The following NRG3 variants were observed in gnomAD, a reference collection of about 807,000 sequenced individuals.
The protein encoded by NRG3 is pro-neuregulin-3, membrane-bound isoform.
NRG3 carries 31 observed loss-of-function variants against 66.9 expected under a neutral mutation model. That is an observed-to-expected ratio of 0.46 (90% confidence interval 0.35 to 0.63). NRG3 has a LOEUF of 0.63. NRG3 is among the 20% of genes least tolerant of loss of function. The probability of loss-of-function intolerance (pLI) is 0.00; values close to 1 mark genes in which losing one functional copy is unlikely to be tolerated. For missense variants in NRG3, 910 were observed against 878.9 expected (o/e 1.04, Z -0.45); for synonymous variants, 393 against 359.4 (o/e 1.09, Z -1.06).
At chr10:81,960,658 G>A (rs1046150746) in intron 1 of NRG3, among the ~76,000 whole-genome samples, 2 of 151,128 alleles carry the variant, frequency 1.3e-5, no homozygotes, top group African/African-American at 4.9e-5. Flanking sequence ...TTTGTTTACT[G>A]GTTAAAGAGA....
At chr10:82,665,772 A>C (rs1393334801) in intron 2 of NRG3, among the ~76,000 whole-genome samples, 1 of 152,096 alleles carries the variant, frequency 6.6e-6, no homozygotes, top group Non-Finnish European at 1.5e-5. Context: ...AAATCTCAAC[A>C]ATATTTTACC....
intron 1 of NRG3, among the ~76,000 whole-genome samples, chr10:82,169,201 T>C (rs1176605686): frequency 6.6e-6 from 1 of 152,146 alleles, no homozygotes; most frequent in Non-Finnish European, 1.5e-5. Flanking sequence ...TGTAGTTCTT[T>C]TATTCTTATA....
At chr10:82,451,588 T>C (rs1385143283) in intron 2 of NRG3, among the ~76,000 whole-genome samples, 2 of 152,156 alleles carry the variant, frequency 1.3e-5, no homozygotes, top group East Asian at 3.9e-4. Context: ...TCTCAACAAG[T>C]AGTTTATTTA....
chr10:82,291,070 G>C (rs574857865), intron 1 of NRG3, among the ~76,000 whole-genome samples: 3 of 151,936 alleles, frequency 2.0e-5, no homozygotes, highest in Non-Finnish European at 4.4e-5. Flanking sequence ...TGCTATTGCA[G>C]TTGAACCATA....
intron 6 of NRG3, among the ~76,000 whole-genome samples, chr10:82,968,023 C>T (rs1564676327): frequency 6.6e-6 from 1 of 152,230 alleles, no homozygotes; most frequent in Non-Finnish European, 1.5e-5. Context: ...TCTCTGTATT[C>T]ACCTGTTTCT....
At chr10:82,373,467 A>G (rs1381789816) in intron 2 of NRG3, among the ~76,000 whole-genome samples, 2 of 152,178 alleles carry the variant, frequency 1.3e-5, no homozygotes, top group Non-Finnish European at 2.9e-5. Flanking sequence ...CTCTGACAGC[A>G]GGTGGATCCC....
intron 2 of NRG3, among the ~76,000 whole-genome samples, chr10:82,533,277 G>A (rs569025069): frequency 6.6e-6 from 1 of 151,904 alleles, no homozygotes; most frequent in South Asian, 2.1e-4. Context: ...TTCTTTTGCT[G>A]TACTGGAGCT....
intron 1 of NRG3, among the ~76,000 whole-genome samples, chr10:82,137,942 AG>A (rs1482918535): frequency 6.6e-6 from 1 of 152,186 alleles, no homozygotes; most frequent in Non-Finnish European, 1.5e-5. Context: ...AACTTGGGTA[AG>A]TCCGAAGTTT....
intron 1 of NRG3, among the ~76,000 whole-genome samples, chr10:82,220,830 C>CA (rs1355802423): frequency 1.3e-5 from 2 of 151,960 alleles, no homozygotes; most frequent in African/African-American, 4.8e-5. Context: ...CCTATCTCTA[C>CA]AAAAAAATAT....
At chr10:82,512,478 G>A (rs1845280731) in intron 2 of NRG3, among the ~76,000 whole-genome samples, 1 of 152,040 alleles carries the variant, frequency 6.6e-6, no homozygotes, top group African/African-American at 2.4e-5. Flanking sequence ...TAGAGATGGG[G>A]TCTCACCATG....
intron 1 of NRG3, among the ~76,000 whole-genome samples, chr10:82,215,266 C>T (rs1217426298): frequency 2.0e-5 from 3 of 152,010 alleles, no homozygotes; most frequent in Admixed American, 6.6e-5. Flanking sequence ...AGAATTTCTT[C>T]GGTGATAGCA....
chr10:82,025,331 C>T (rs927506269), intron 1 of NRG3, among the ~76,000 whole-genome samples: 12 of 151,132 alleles, frequency 7.9e-5, no homozygotes, highest in South Asian at 4.2e-4. Flanking sequence ...TTTCCATGTA[C>T]GTATATTTGA....
intron 1 of NRG3, among the ~76,000 whole-genome samples, chr10:82,216,573 G>GTGTGTGT (rs1564673798): frequency 1.7e-5 from 2 of 119,446 alleles, no homozygotes; most frequent in South Asian, 2.6e-4. Flanking sequence ...TATATATCTG[G>GTGTGTGT]GTGTGTGTGT....
At chr10:82,799,798 G>T (rs1468345574) in intron 3 of NRG3, 3 of 152,128 alleles carry the variant, frequency 2.0e-5, no homozygotes, top group Admixed American at 1.3e-4. Flanking sequence ...AGTGAAAAGG[G>T]CAGTGAAACA....
chr10:82,114,119 A>G (rs562768112), intron 1 of NRG3, among the ~76,000 whole-genome samples: 2 of 152,222 alleles, frequency 1.3e-5, no homozygotes, highest in East Asian at 3.9e-4. Flanking sequence ...GATTTAGCGT[A>G]ATGTTTTCAA....
chr10:82,093,129 A>G (rs962893559), intron 1 of NRG3, among the ~76,000 whole-genome samples: 1 of 152,122 alleles, frequency 6.6e-6, no homozygotes. Context: ...CTTTACCTAT[A>G]TCATTTCATT....
chr10:82,200,653 G>T (rs866890984), intron 1 of NRG3, among the ~76,000 whole-genome samples: 3 of 152,206 alleles, frequency 2.0e-5, no homozygotes, highest in East Asian at 1.9e-4. Context: ...AAAGTAAGTC[G>T]CATGCCCGAA....
intron 2 of NRG3, among the ~76,000 whole-genome samples, chr10:82,555,040 G>A (rs1410941136): frequency 1.3e-5 from 2 of 152,094 alleles, no homozygotes; most frequent in Non-Finnish European, 2.9e-5. Context: ...AAACTCAAAT[G>A]ACTTTACTCT....
chr10:82,134,793 A>C (rs940990483), intron 1 of NRG3, among the ~76,000 whole-genome samples: 3 of 152,030 alleles, frequency 2.0e-5, no homozygotes, highest in African/African-American at 7.2e-5. Flanking sequence ...ATTTAAATTT[A>C]AATTTATGTT....
Sources: allele counts gnomAD v4.1 joint callset (sites outside exome capture counted in the v4.1 genomes callset), GRCh38; gene constraint gnomAD v4.1.1; transcripts MANE v1.5; gene names NCBI Gene and HGNC (gene_info 2026-07-23, HGNC 2026-07-21).